PABPC4L: variants seen among roughly 807,000 people sequenced by gnomAD.
PABPC4L encodes poly(A) binding protein cytoplasmic 4 like.
For synonymous variants in PABPC4L, 169 were observed against 164.1 expected, an observed-to-expected ratio of 1.03 and a Z score of -0.23; for missense variants, 452 against 451.4, an observed-to-expected ratio of 1.00 and a Z score of -0.01.
At chr4:134,000,134 G>C in the PABPC4L span, among the ~76,000 whole-genome samples, 1 of 151,964 alleles carries the variant, frequency 6.6e-6, no homozygotes, top group African/African-American at 2.4e-5. Flanking sequence ...GCAACCACAA[G>C]AAAATGGAAA....
At position 134,200,496 on chromosome 4, in the gene PABPC4L, C is replaced by T. The variant is rs1249556395; in HGVS notation, c.524G>A (p.Arg175Gln). Residue 175 changes from arginine (R) to glutamine (Q), a missense_variant, in exon 2 of 2, where the codon CGA (arginine) becomes CAA (glutamine). By Grantham distance (43) the Arg-to-Gln change is conservative. Transcript: ENST00000421491. ...CKVFVGRFKNRKDREAELRSK... is the reference protein window; with the variant it reads ...CKVFVGRFKNQKDREAELRSK... ...TCTGAGTTCAGCTTCACGATCTTTT[C>T]GGTTTTTGAATCTGCCAACAAACAC... 6.4e-7 allele frequency: 1 copy of T among 1,551,588 alleles called. No homozygotes were observed. Among genetic ancestry groups the T allele is most frequent in the Non-Finnish European group, 8.7e-7 (1 of 1,146,974 alleles).
the PABPC4L span, among the ~76,000 whole-genome samples, chr4:134,189,329 T>C: frequency 6.6e-6 from 1 of 151,582 alleles, no homozygotes; most frequent in Non-Finnish European, 1.5e-5. Context: ...AATTGCATTT[T>C]GCCATTTAGT....
chr4:133,994,069 A>T, the PABPC4L span, among the ~76,000 whole-genome samples: 2 of 152,168 alleles, frequency 1.3e-5, no homozygotes, highest in Non-Finnish European at 2.9e-5. Context: ...AGTAAGAGCC[A>T]ATCTTGAGGA....
At chr4:133,989,027 A>G in the PABPC4L span, among the ~76,000 whole-genome samples, 1 of 152,046 alleles carries the variant, frequency 6.6e-6, no homozygotes, top group Non-Finnish European at 1.5e-5. Flanking sequence ...CCATGGATGG[A>G]CCTGAAGCAA....
At chr4:134,195,431 T>C (rs1253582028), downstream of PABPC4L, among the ~76,000 whole-genome samples, 1 of 151,632 alleles carries the variant, frequency 6.6e-6, no homozygotes, top group Admixed American at 6.6e-5. Context: ...ATGACTGATA[T>C]TCACTGAATG....
chr4:134,059,956 C>T, the PABPC4L span, among the ~76,000 whole-genome samples: 1 of 152,132 alleles, frequency 6.6e-6, no homozygotes, highest in East Asian at 1.9e-4. Context: ...ACAGGGAAAA[C>T]AGTCTTGCAT....
the PABPC4L span, among the ~76,000 whole-genome samples, chr4:134,171,499 T>A: frequency 6.6e-6 from 1 of 152,124 alleles, no homozygotes; most frequent in African/African-American, 2.4e-5. Context: ...GTGTTTAAGT[T>A]CCTTAGAGAT....
chr4:134,023,986 A>G, the PABPC4L span, among the ~76,000 whole-genome samples: 1 of 152,214 alleles, frequency 6.6e-6, no homozygotes, highest in Admixed American at 6.6e-5. Flanking sequence ...ACTATTAATT[A>G]TGATCAATAA....
At chr4:134,157,191 C>A in the PABPC4L span, among the ~76,000 whole-genome samples, 1 of 150,436 alleles carries the variant, frequency 6.6e-6, no homozygotes, top group Admixed American at 6.6e-5. Flanking sequence ...CATTTTAATA[C>A]CATGTGGAAG....
chr4:134,130,825 T>C, the PABPC4L span, among the ~76,000 whole-genome samples: 1 of 151,842 alleles, frequency 6.6e-6, no homozygotes, highest in African/African-American at 2.4e-5. Context: ...CAACAGCATA[T>C]CAAAAAGATA....
chr4:134,086,167 G>A, the PABPC4L span, among the ~76,000 whole-genome samples: 1 of 151,548 alleles, frequency 6.6e-6, no homozygotes, highest in Non-Finnish European at 1.5e-5. Flanking sequence ...AATGTAAGAA[G>A]TTGGGTTTTT....
chr4:134,122,239 T>TC, the PABPC4L span, among the ~76,000 whole-genome samples: 1 of 151,830 alleles, frequency 6.6e-6, no homozygotes, highest in Non-Finnish European at 1.5e-5. Flanking sequence ...GTTTTCTTAT[T>TC]CCATTATACT....
the PABPC4L span, among the ~76,000 whole-genome samples, chr4:134,064,494 A>C: frequency 6.6e-6 from 1 of 152,198 alleles, no homozygotes; most frequent in South Asian, 2.1e-4. Flanking sequence ...TAATACAAAT[A>C]ATTTAAATGT....
the PABPC4L span, among the ~76,000 whole-genome samples, chr4:133,997,452 T>G: frequency 6.6e-6 from 1 of 151,946 alleles, no homozygotes; most frequent in Non-Finnish European, 1.5e-5. Flanking sequence ...ACATCCATTC[T>G]GCAAATCATG....
the PABPC4L span, among the ~76,000 whole-genome samples, chr4:134,125,684 T>A: frequency 6.6e-6 from 1 of 152,172 alleles, no homozygotes; most frequent in Non-Finnish European, 1.5e-5. Flanking sequence ...AAAATGTGAA[T>A]ATGTATCTGT....
the PABPC4L span, among the ~76,000 whole-genome samples, chr4:133,975,940 C>G: frequency 6.6e-6 from 1 of 152,136 alleles, no homozygotes; most frequent in Admixed American, 6.6e-5. Flanking sequence ...CTCTCTCACA[C>G]AAACACATAT....
the PABPC4L span, among the ~76,000 whole-genome samples, chr4:134,037,831 T>C: frequency 6.6e-6 from 1 of 152,132 alleles, no homozygotes; most frequent in African/African-American, 2.4e-5. Context: ...TCTTGCCTGA[T>C]TGCCCTGGCC....
chr4:133,960,328 G>T, the PABPC4L span, among the ~76,000 whole-genome samples: 1 of 152,122 alleles, frequency 6.6e-6, no homozygotes, highest in Non-Finnish European at 1.5e-5. Context: ...TGTCTGGCTT[G>T]CAGCACAAGA....
chr4:134,078,313 A>T, the PABPC4L span, among the ~76,000 whole-genome samples: 2 of 152,214 alleles, frequency 1.3e-5, no homozygotes, highest in South Asian at 4.1e-4. Flanking sequence ...TATAAAAATA[A>T]CAGACGTGGG....
Sources: allele counts gnomAD v4.1 joint callset (sites outside exome capture counted in the v4.1 genomes callset), GRCh38; gene constraint gnomAD v4.1.1; transcripts MANE v1.5; gene names NCBI Gene and HGNC (gene_info 2026-07-23, HGNC 2026-07-21).